NOS1: variants seen among roughly 807,000 people sequenced by gnomAD.
The protein encoded by NOS1 is nitric oxide synthase 1.
A neutral mutation model predicts 164.5 loss-of-function variants in NOS1; 51 were observed. The observed-to-expected ratio is 0.31, with a 90% CI of 0.25 to 0.39. The LOEUF (loss-of-function observed/expected upper bound fraction) is 0.39, where lower values mean the gene tolerates loss of function less well. NOS1 is among the 10% of genes least tolerant of loss of function. NOS1 has a pLI of 1.00. For missense variants in NOS1, 1,362 were observed against 1,885.6 expected (o/e 0.72, Z 5.14); for synonymous variants, 719 against 745.8 (o/e 0.96, Z 0.59).
intron 18 of NOS1, 98 bp downstream of exon 18, chr12:117,247,250 G>A (rs932091498): frequency 9.8e-7 from 1 of 1,016,006 alleles, no homozygotes; most frequent in East Asian, 2.6e-5. Context: ...GGTACTGAGG[G>A]TTCTCTCAAG....
intron 21 of NOS1, among the ~76,000 whole-genome samples, chr12:117,233,808 CAAAAA>C (rs374050465): frequency 3.5e-5 from 2 of 57,086 alleles, no homozygotes; most frequent in African/African-American, 6.4e-5. Context: ...AAGTCTGTCT[CAAAAA>C]AAAAAAAAAA....
chr12:117,240,212 T>C (rs1592941313), intron 20 of NOS1, among the ~76,000 whole-genome samples: 1 of 152,216 alleles, frequency 6.6e-6, no homozygotes, highest in East Asian at 1.9e-4. Context: ...AGCCCCTCTC[T>C]GCATCAGGGA....
intron 13 of NOS1, among the ~76,000 whole-genome samples, chr12:117,263,636 A>G (rs952106606): frequency 6.6e-6 from 1 of 150,938 alleles, no homozygotes; most frequent in Non-Finnish European, 1.5e-5. Flanking sequence ...GGGCTGGTTC[A>G]CCAACACACC....
chr12:117,337,940 C>T (rs1320857650), intron 1 of NOS1, among the ~76,000 whole-genome samples: 1 of 152,016 alleles, frequency 6.6e-6, no homozygotes, highest in African/African-American at 2.4e-5. Context: ...TTTGGACAGG[C>T]GCGGTGGCTC....
chr12:117,260,479 C>T lies in NOS1; in HGVS notation c.2353G>A (p.Ala785Thr), dbSNP rs778386606. The change falls in exon 14 of 29, where the codon GCC becomes ACC. Residue 785 changes from alanine (A) to threonine (T), a missense_variant. This residue lies in a region of NOS1 where 737 missense variants were observed against 1,030.3 expected (regional missense o/e 0.72). Coordinates refer to ENST00000317775, the MANE Select transcript of NOS1 (RefSeq NM_000620.5). ...AKTLCEIFKHAFDAKVMSMEE... is the reference protein window; with the variant it reads ...AKTLCEIFKHTFDAKVMSMEE... Reference sequence around the variant, plus strand: ...CCCCCACCTACCTTGGCATCAAAGGCGTGTTTGAAGATCTCACACAAGGTC... The same window carrying T: ...CCCCCACCTACCTTGGCATCAAAGGTGTGTTTGAAGATCTCACACAAGGTC... 3.1e-6 allele frequency: 5 copies of T among 1,613,764 alleles called. No individual in the cohort carries two copies. Among genetic ancestry groups the T allele is most frequent in the Non-Finnish European group, 4.2e-6 (5 of 1,179,796 alleles).
At chr12:117,291,616 C>T (rs1490181377) in intron 3 of NOS1, among the ~76,000 whole-genome samples, 1 of 145,422 alleles carries the variant, frequency 6.9e-6, no homozygotes, top group Non-Finnish European at 1.5e-5. Context: ...TCACTGTAGC[C>T]TTGACCTCCT....
chr12:117,284,518 T>C (rs949215733), intron 7 of NOS1, among the ~76,000 whole-genome samples: 2 of 152,172 alleles, frequency 1.3e-5, no homozygotes, highest in African/African-American at 2.4e-5. Context: ...AACTGCCTTT[T>C]AAACCAAGGG....
chr12:117,208,770 T>C lies in NOS1; in HGVS notation c.*6539A>G, dbSNP rs1041960254. The C allele has an allele frequency of 6.1e-6, 6 of 980,164 alleles. No homozygotes were observed. Among genetic ancestry groups the C allele is most frequent in the Non-Finnish European group, 7.3e-6 (6 of 826,522 alleles). 60.7% of individuals were successfully genotyped at this position (980,164 alleles called of 1,614,324 possible). A position where few individuals can be genotyped will look rare whatever the true frequency, so the allele number is the denominator to read the frequency against. ...ACAGGGTCTCATTCTGTCAACAAGC[T>C]GGAGTGCAGTGGTGCCATCTCGGCT... On this transcript the variant is annotated 3_prime_UTR_variant, in exon 29 of 29. Coordinates refer to ENST00000317775, the MANE Select transcript of NOS1 (RefSeq NM_000620.5).
intron 2 of NOS1, among the ~76,000 whole-genome samples, chr12:117,317,466 C>T (rs1270402247): frequency 2.7e-5 from 4 of 148,672 alleles, no homozygotes; most frequent in African/African-American, 5.0e-5. Flanking sequence ...GCCAGTAGCA[C>T]CCCTATCCCC....
intron 15 of NOS1, 63 bp from the exon 16 acceptor site, chr12:117,258,518 A>G: frequency 6.5e-7 from 1 of 1,546,506 alleles, no homozygotes; most frequent in East Asian, 2.2e-5. Flanking sequence ...CAGGTCGGAT[A>G]CTGAGGGTCT....
In NOS1 at chr12:117,356,254, G is replaced by A. The variant is rs111400586; in HGVS notation, c.-421+5258C>T. ...ACTCTGAGTCACAGAATCCACAAGT[G>A]CCCAAGCTGGCCTCTGACGTTTCCT... On this transcript the variant is annotated intron_variant, in intron 1 of 28. Transcript: ENST00000317775. This position sits in a 1 kb window ranked among gnomAD's most constrained non-coding sequence, Gnocchi z 4.2. Among the ~76,000 whole-genome samples, 3,287 of 152,292 alleles carry A rather than the reference G, an allele frequency of 0.022. 46 individuals carry two copies. The highest frequency in any genetic ancestry group is 0.082 in the Middle Eastern group (24 of 294).
At chr12:117,246,049 G>T in intron 18 of NOS1, 1 of 155,884 alleles carries the variant, frequency 6.4e-6, no homozygotes. Flanking sequence ...TATCATTCCT[G>T]ATATTAGCAC....
At chr12:117,268,257 C>T (rs1422066123) in intron 10 of NOS1, 113 bp from the exon 11 acceptor site, 1 of 734,404 alleles carries the variant, frequency 1.4e-6, no homozygotes, top group Non-Finnish European at 2.3e-6. Context: ...TTTAAATGGA[C>T]TCTCGCTCTG....
chr12:117,282,941 C>G (rs911916991), intron 7 of NOS1, among the ~76,000 whole-genome samples: 1 of 151,958 alleles, frequency 6.6e-6, no homozygotes. Flanking sequence ...TACCTGTACT[C>G]TCCTGCTTCC....
Position 117,272,635 on chromosome 12 carries a change from G to T in NOS1, c.1665-76C>A. ...GGGACAGCTTGAATCTAGAGATGCT[G>T]AAATGCCAAGGATGGACTGGGACTG... On this transcript the variant is annotated intron_variant, in intron 9 of 28. Coordinates refer to ENST00000317775, the MANE Select transcript of NOS1 (RefSeq NM_000620.5). This position sits in a 1 kb window ranked among gnomAD's most constrained non-coding sequence, Gnocchi z 4.3. The T allele has an allele frequency of 7.2e-7, 1 of 1,396,742 alleles. No individual in the cohort carries two copies. The highest frequency in any genetic ancestry group is 9.9e-7 in the Non-Finnish European group (1 of 1,010,798). The allele number at this position is 1,396,742 out of a possible 1,614,324, so 86.5% of individuals were successfully genotyped here. A position where few individuals can be genotyped will look rare whatever the true frequency, so the allele number is the denominator to read the frequency against.
At chr12:117,257,658 C>T (rs1871568867) in intron 16 of NOS1, among the ~76,000 whole-genome samples, 1 of 136,424 alleles carries the variant, frequency 7.3e-6, no homozygotes, top group Admixed American at 8.3e-5. Flanking sequence ...TCAGGCTGGC[C>T]TCAAATTCCT....
intron 20 of NOS1, among the ~76,000 whole-genome samples, 179 bp downstream of exon 20, chr12:117,242,448 T>C (rs1315815382): frequency 6.6e-6 from 1 of 152,140 alleles, no homozygotes; most frequent in Non-Finnish European, 1.5e-5. Flanking sequence ...CTCCTTCAGG[T>C]TGGAGCTAGG....
chr12:117,359,876 T>TTTTATA (rs1566090779), intron 1 of NOS1, among the ~76,000 whole-genome samples: 17 of 36,962 alleles, frequency 4.6e-4, no homozygotes, highest in South Asian at 1.1e-3. Flanking sequence ...AATAATGGTT[T>TTTTATA]TATATATATA....
Position 117,212,061 on chromosome 12 carries a change from GT to G in NOS1, c.*3247del. On this transcript the variant is annotated 3_prime_UTR_variant, in exon 29 of 29. Transcript: ENST00000317775. ...AGCCTGGGTGACAGAGCAAGACTCT[GT>G]CAAAAAAAAAAATAGATTCTAACCT... The G allele has an allele frequency of 1.1e-6, 1 of 902,622 alleles. No homozygotes were observed. The highest frequency in any genetic ancestry group is 1.3e-6 in the Non-Finnish European group (1 of 776,906). The allele number at this position is 902,622 out of a possible 1,614,324, so 55.9% of individuals were successfully genotyped here. A position where few individuals can be genotyped will look rare whatever the true frequency, so the allele number is the denominator to read the frequency against.
Sources: gnomAD v4.1 joint callset for allele counts (sites outside exome capture counted in the v4.1 genomes callset) on GRCh38, gnomAD v4.1.1 for gene constraint, gnomAD v4.1.1 regional missense constraint, Gnocchi (gnomAD v3.1) non-coding constraint, MANE v1.5 for transcripts, NCBI Gene and HGNC (gene_info 2026-07-23, HGNC 2026-07-21) for gene names.